The following ADCK1 variants were observed in gnomAD, a reference collection of about 807,000 sequenced individuals.
The protein encoded by ADCK1 is aarF domain-containing protein kinase 1.
ADCK1 carries 41 observed loss-of-function variants against 52.3 expected under a neutral mutation model. The observed-to-expected ratio is 0.78, with a 90% CI of 0.61 to 1.02. The LOEUF is 1.02. Ranked by LOEUF, ADCK1 falls within the 50% of genes least tolerant of loss-of-function variation. The pLI, the probability that ADCK1 is intolerant of heterozygous loss-of-function variation, is 0.00. For synonymous variants in ADCK1, 250 were observed against 274.6 expected (o/e 0.91, Z 0.89); for missense variants, 658 against 679.5 (o/e 0.97, Z 0.35).
chr14:77,884,297 T>C (rs1021635049), intron 4 of ADCK1, among the ~76,000 whole-genome samples: 1 of 152,224 alleles, frequency 6.6e-6, no homozygotes, highest in African/African-American at 2.4e-5. Flanking sequence ...AACCCTCTGC[T>C]TGGTGCTCCT....
intron 3 of ADCK1, among the ~76,000 whole-genome samples, chr14:77,832,343 GT>G (rs1326057685): frequency 8.5e-5 from 13 of 152,186 alleles, no homozygotes; most frequent in African/African-American, 2.7e-4. Context: ...TGATCTTGAT[GT>G]TCAGATACTG....
chr14:77,863,679 A>T (rs1414824191), intron 4 of ADCK1, among the ~76,000 whole-genome samples: 1 of 152,092 alleles, frequency 6.6e-6, no homozygotes, highest in African/African-American at 2.4e-5. Flanking sequence ...TCTACTAAAA[A>T]TAGAAAAATT....
At chr14:77,823,573 T>C in intron 3 of ADCK1, among the ~76,000 whole-genome samples, 1 of 137,942 alleles carries the variant, frequency 7.2e-6, no homozygotes, top group East Asian at 2.4e-4. Context: ...TATTTATTTA[T>C]TTATTTATTT....
At position 77,852,877 on chromosome 14, in the gene ADCK1, A is replaced by ATG. The variant is rs1168050681; in HGVS notation, c.220-6193_220-6192dup. 4.9e-3 allele frequency among the ~76,000 whole-genome samples: 205 copies of ATG among 42,102 alleles called. 4 individuals carry two copies. The highest frequency in any genetic ancestry group is 0.017 in the Middle Eastern group (1 of 58). 27.6% of individuals were successfully genotyped at this position (42,102 alleles called of 152,430 possible). The stretch of plus-strand genomic sequence containing the variant: ...AGGTTTTCAAGTTCACTAATCTTTT[A>ATG]TGTGTGTATATATATATATATATAT... On this transcript the variant is annotated intron_variant, in intron 3 of 10. Transcript: ENST00000238561.
At chr14:77,842,794 C>T (rs1006565613) in intron 3 of ADCK1, among the ~76,000 whole-genome samples, 1 of 152,114 alleles carries the variant, frequency 6.6e-6, no homozygotes, top group African/African-American at 2.4e-5. Flanking sequence ...AAGTGATCCA[C>T]CTGCCTTGGC....
chr14:77,846,124 T>G (rs190632150), intron 3 of ADCK1, among the ~76,000 whole-genome samples: 7 of 152,258 alleles, frequency 4.6e-5, no homozygotes, highest in Admixed American at 3.9e-4. Flanking sequence ...GCTTAGTTGC[T>G]CCTCTGACCA....
chr14:77,815,815 C>CTT (rs35299824), intron 1 of ADCK1, among the ~76,000 whole-genome samples: 47 of 121,780 alleles, frequency 3.9e-4, no homozygotes, highest in African/African-American at 8.3e-4. Flanking sequence ...CCGCACCTGG[C>CTT]TTTTTTTTTT....
chr14:77,814,896 T>A (rs745314578), intron 1 of ADCK1, among the ~76,000 whole-genome samples: 212 of 114,198 alleles, frequency 1.9e-3, no homozygotes, highest in African/African-American at 4.1e-3. Flanking sequence ...TAAAAAAAAA[T>A]TTTTTTTTTT....
rs1396912906 is a variant in ADCK1, at chr14:77,820,769, ATTT to A, written c.135+1661_136-1659del. On this transcript the variant is annotated intron_variant, in intron 2 of 10. Transcript: ENST00000238561. The stretch of plus-strand genomic sequence containing the variant: ...ATATATATATATATTTATTATTATT[ATTT>A]TTTTGAGACAGAATCTTGCTCTGTC... Among the ~76,000 whole-genome samples, 8 of 151,048 alleles carry A rather than the reference ATTT, an allele frequency of 5.3e-5. No homozygotes were observed. The East Asian group carries it at 1.4e-3, about 26-fold the overall frequency.
At chr14:77,930,884 A>G (rs1197653363) in intron 9 of ADCK1, among the ~76,000 whole-genome samples, 1 of 152,172 alleles carries the variant, frequency 6.6e-6, no homozygotes, top group Non-Finnish European at 1.5e-5. Context: ...AGCTGTGAAG[A>G]GTGTAGGGAC....
intron 6 of ADCK1, chr14:77,900,687 T>A (rs2083517280): frequency 2.3e-6 from 1 of 436,578 alleles, no homozygotes; most frequent in Admixed American, 2.5e-5. Context: ...GTGTTTGTTT[T>A]GTGTATTCCA....
At chr14:77,805,808 C>CA (rs1566620487) in intron 1 of ADCK1, among the ~76,000 whole-genome samples, 3 of 151,790 alleles carry the variant, frequency 2.0e-5, no homozygotes, top group African/African-American at 4.8e-5. Context: ...AAAAAAATCT[C>CA]AAAAAACCTC....
intron 4 of ADCK1, among the ~76,000 whole-genome samples, chr14:77,867,175 C>T (rs1049804040): frequency 2.6e-5 from 4 of 152,202 alleles, no homozygotes; most frequent in African/African-American, 4.8e-5. Flanking sequence ...GGCTGCATCA[C>T]GGGCCCAAAG....
chr14:77,874,463 G>A (rs1045633387), intron 4 of ADCK1, among the ~76,000 whole-genome samples: 1 of 152,154 alleles, frequency 6.6e-6, no homozygotes, highest in Non-Finnish European at 1.5e-5. Context: ...AGGCCTTTGG[G>A]GCAGGACTGA....
intron 5 of ADCK1, among the ~76,000 whole-genome samples, chr14:77,892,168 A>G (rs1180132557): frequency 1.3e-5 from 2 of 152,170 alleles, no homozygotes; most frequent in Non-Finnish European, 2.9e-5. Context: ...GAGGAAAGCA[A>G]TCTGATGAAA....
intron 3 of ADCK1, among the ~76,000 whole-genome samples, chr14:77,828,490 ATTC>A (rs2081768131): frequency 6.6e-6 from 1 of 152,144 alleles, no homozygotes. Context: ...ATTAATTGGA[ATTC>A]TTCTGTGAGA....
At chr14:77,864,217 G>A (rs1055062429) in intron 4 of ADCK1, among the ~76,000 whole-genome samples, 14 of 152,308 alleles carry the variant, frequency 9.2e-5, no homozygotes, top group East Asian at 1.9e-4. Flanking sequence ...GTTGTGCAAC[G>A]GGTAGAATAA....
chr14:77,925,760 C>G lies in ADCK1; in HGVS notation c.1009-4C>G, dbSNP rs768127917. ...AGGTCCCACCGCTGCCGCCTCCACC[C>G]TAGATGCTCACGGAAGAATTCCGCC... On this transcript the variant is annotated splice_polypyrimidine_tract_variant and splice_region_variant and intron_variant, in intron 8 of 10. Coordinates refer to ENST00000238561, the MANE Select transcript of ADCK1 (RefSeq NM_020421.4). 7.4e-6 allele frequency: 12 copies of G among 1,613,866 alleles called. No individual in the cohort carries two copies. The highest frequency in any genetic ancestry group is 1.3e-5 in the African/African-American group (1 of 74,922).
intron 1 of ADCK1, among the ~76,000 whole-genome samples, chr14:77,817,885 G>A (rs1178332845): frequency 5.4e-5 from 8 of 147,850 alleles, no homozygotes; most frequent in African/African-American, 1.5e-4. Flanking sequence ...ACAGGCGCCC[G>A]CCACCACGCC....
Sources: gnomAD v4.1 joint callset for allele counts (sites outside exome capture counted in the v4.1 genomes callset) on GRCh38, gnomAD v4.1.1 for gene constraint, MANE v1.5 for transcripts, NCBI Gene and HGNC (gene_info 2026-07-23, HGNC 2026-07-21) for gene names.